SUPV3L1: variants seen among roughly 807,000 people sequenced by gnomAD.
SUPV3L1 encodes Suv3 like RNA helicase, also known as ATP-dependent RNA helicase SUPV3L1, mitochondrial.
Under a neutral mutation model 70.0 loss-of-function variants are expected in SUPV3L1, and 35 were observed. The ratio of observed to expected loss-of-function variants is 0.50; its 90% CI spans 0.38 to 0.66. The LOEUF is 0.66. Among genes scored for constraint, SUPV3L1 ranks in the 30% least tolerant of loss-of-function variants. The pLI is 0.00. For synonymous variants in SUPV3L1, 364 were observed against 341.9 expected, an observed-to-expected ratio of 1.06 and a Z score of -0.71; for missense variants, 777 against 961.5, an observed-to-expected ratio of 0.81 and a Z score of 2.54.
At chr10:69,195,379 C>A in intron 7 of SUPV3L1, 114 bp downstream of exon 7, 2 of 576,128 alleles carry the variant, frequency 3.5e-6, no homozygotes, top group South Asian at 6.7e-5. Flanking sequence ...TTCTTTTTGA[C>A]ACAAAAAAGT....
chr10:69,201,126 A>G (rs1589388125), intron 11 of SUPV3L1, among the ~76,000 whole-genome samples: 1 of 152,170 alleles, frequency 6.6e-6, no homozygotes, highest in Non-Finnish European at 1.5e-5. Context: ...TTCCAGGGGA[A>G]GGCTGTGCTG....
At chr10:69,185,796 G>A (rs940270093) in intron 1 of SUPV3L1, among the ~76,000 whole-genome samples, 191 bp from the exon 2 acceptor site, 2 of 151,998 alleles carry the variant, frequency 1.3e-5, no homozygotes, top group Non-Finnish European at 2.9e-5. Context: ...CACCGTGCCC[G>A]GCCAACTCGA....
chr10:69,188,570 C>T (rs1211388071), intron 4 of SUPV3L1, among the ~76,000 whole-genome samples: 1 of 152,160 alleles, frequency 6.6e-6, no homozygotes, highest in Non-Finnish European at 1.5e-5. Flanking sequence ...GCGTTCTCGG[C>T]TCACTGCAAC....
intron 13 of SUPV3L1, among the ~76,000 whole-genome samples, chr10:69,207,087 T>C (rs1389209920): frequency 6.6e-6 from 1 of 152,172 alleles, no homozygotes; most frequent in Non-Finnish European, 1.5e-5. Flanking sequence ...CTATTACATA[T>C]GAGATAGAAA....
rs2050331551 is a variant in SUPV3L1 at position 69,191,578 on chromosome 10, G to C, written c.742-77G>C. 2.4e-6 allele frequency: 3 copies of C among 1,232,772 alleles called. No individual in the cohort carries two copies. In the South Asian group the frequency reaches 3.8e-5, roughly 16 times the overall value. The allele number at this position is 1,232,772 out of a possible 1,614,324, so 76.4% of individuals were successfully genotyped here. A position where few individuals can be genotyped will look rare whatever the true frequency, so the allele number is the denominator to read the frequency against. ...AACAAACTAATTTGGTGGTAGTGGAGAGAACACCCTGTTAAATATCCAAAA... is the reference window on the plus strand; with the variant it reads ...AACAAACTAATTTGGTGGTAGTGGACAGAACACCCTGTTAAATATCCAAAA... On this transcript the variant is annotated intron_variant, in intron 5 of 14. Transcript: ENST00000359655.
chr10:69,185,851 G>A (rs145694972), intron 1 of SUPV3L1, 136 bp from the exon 2 acceptor site: 29 of 735,904 alleles, frequency 3.9e-5, no homozygotes, highest in African/African-American at 3.7e-4. Flanking sequence ...CATAAAGAAG[G>A]ATCGACTAAA....
Position 69,209,020 on chromosome 10 carries a change from A to G in SUPV3L1, c.2346A>G (p.Glu782=). Residue 782 remains glutamate (E), a synonymous_variant, in exon 15 of 15, where the codon GAA becomes GAG. Coordinates refer to ENST00000359655, the MANE Select transcript of SUPV3L1 (RefSeq NM_003171.5). ...AAGGGACGAGAAGAAAGAAGAAGGAACCTGATTCGGACTAGTTTTCTGTTC... is the reference window on the plus strand; with the variant it reads ...AAGGGACGAGAAGAAAGAAGAAGGAGCCTGATTCGGACTAGTTTTCTGTTC... ...HPKGTRRKKK[E]PDSD The G allele has an allele frequency of 6.5e-7, 1 of 1,549,296 alleles. No homozygotes were observed. The highest frequency in any genetic ancestry group is 8.7e-7 in the Non-Finnish European group (1 of 1,150,344).
chr10:69,196,894 G>A (rs1302079658), intron 7 of SUPV3L1, 98 bp from the exon 8 acceptor site: 1 of 998,202 alleles, frequency 1.0e-6, no homozygotes, highest in African/African-American at 1.6e-5. Context: ...AGGTTGTAAA[G>A]CAATATGTAA....
In SUPV3L1 at chr10:69,196,982, GC is replaced by G; in HGVS notation, c.932-9del. ...CTTTAAAATTAAGAAACCCAGTTTT[GC>G]ATTGACAGGACTGTGTGCTGAAGAG... On this transcript the variant is annotated splice_polypyrimidine_tract_variant and intron_variant, in intron 7 of 14. Transcript: ENST00000359655. The G allele has an allele frequency of 6.2e-7, 1 of 1,612,116 alleles. No homozygotes were observed. The highest frequency in any genetic ancestry group is 2.2e-5 in the East Asian group (1 of 44,860).
rs553575237 is a variant in SUPV3L1, at chr10:69,187,439, A to G, written c.458-203A>G. 2.5e-4 allele frequency: 90 copies of G among 365,222 alleles called. 1 individual carries two copies. The highest frequency in any genetic ancestry group is 1.9e-3 in the African/African-American group (82 of 44,152). 22.6% of individuals were successfully genotyped at this position (365,222 alleles called of 1,614,324 possible). A position where few individuals can be genotyped will look rare whatever the true frequency, so the allele number is the denominator to read the frequency against. On this transcript the variant is annotated intron_variant, in intron 3 of 14. Transcript: ENST00000359655. ...AGTCTCAGCTCAGTGTGTAGCCTCA[A>G]CCTCCTGGGCTCAAGCCATCCTTCC... is the stretch of plus-strand genomic sequence containing the variant.
rs768796377 is a variant in SUPV3L1, at chr10:69,186,482, A to G, written c.389A>G (p.Tyr130Cys). ...CAAGCTTTCATAAGCTTTAGAAATT[A>G]TATTATGCAGTCTCATTCCCTGGAT... is the stretch of plus-strand genomic sequence containing the variant. ...FHQAFISFRN[Y>C]IMQSHSLDVD... The change falls in exon 3 of 15, where the codon TAT (tyrosine) becomes TGT (cysteine). Residue 130 changes from tyrosine to cysteine, a missense_variant. Tyr to Cys is a radical substitution (Grantham distance 194). This residue lies in a region of SUPV3L1 where 619 missense variants were observed against 823.3 expected (regional missense o/e 0.75). Transcript: ENST00000359655. The G allele has an allele frequency of 1.9e-6, 3 of 1,614,012 alleles. No individual in the cohort carries two copies. In the South Asian group the frequency reaches 3.3e-5, roughly 18 times the overall value.
At position 69,191,766 on chromosome 10, in the gene SUPV3L1, T is replaced by A; in HGVS notation, c.853T>A (p.Tyr285Asn). 6.2e-7 allele frequency: 1 copy of A among 1,605,508 alleles called. No homozygotes were observed. The highest frequency in any genetic ancestry group is 8.5e-7 in the Non-Finnish European group (1 of 1,172,350). Residue 285 changes from tyrosine to asparagine, a missense_variant and splice_region_variant, in exon 6 of 15, where the codon TAT (tyrosine) becomes AAT (asparagine). Tyr to Asn is a moderately radical substitution (Grantham distance 143). Around this residue, in one of 2 missense-constraint regions of SUPV3L1, gnomAD observed 619 missense variants for 823.3 expected, o/e 0.75. Coordinates refer to ENST00000359655, the MANE Select transcript of SUPV3L1 (RefSeq NM_003171.5). ...TVEMCSVTTP[Y>N]EVAVIDEIQM... ...TGAGATGTGCAGTGTTACAACTCCTTGTATGTATATGCTGTTTAAGAAACT... is the reference window on the plus strand; with the variant it reads ...TGAGATGTGCAGTGTTACAACTCCTAGTATGTATATGCTGTTTAAGAAACT...
intron 6 of SUPV3L1, among the ~76,000 whole-genome samples, chr10:69,194,562 G>A (rs4325209): frequency 0.47 from 71,099 of 151,632 alleles, 19,012 homozygotes; most frequent in Middle Eastern, 0.73. Flanking sequence ...ATATTGGCCA[G>A]GATGGTCTCG....
At chr10:69,196,954 A>G in intron 7 of SUPV3L1, 38 bp from the exon 8 acceptor site, 1 of 1,563,376 alleles carries the variant, frequency 6.4e-7, no homozygotes, top group East Asian at 2.2e-5. Flanking sequence ...TTTAATTATA[A>G]ATCTTTAAAA....
intron 1 of SUPV3L1, 139 bp downstream of exon 1, chr10:69,180,701 C>T (rs970225502): frequency 3.3e-6 from 4 of 1,195,062 alleles, no homozygotes; most frequent in East Asian, 2.4e-5. Flanking sequence ...TGTCTGCCTC[C>T]TTCGCTGGTG....
chr10:69,199,787 A>T (rs1506768), intron 10 of SUPV3L1, among the ~76,000 whole-genome samples: 35 of 152,046 alleles, frequency 2.3e-4, no homozygotes, highest in Non-Finnish European at 1.5e-5. Context: ...TATTATGCAC[A>T]TGGGGCTAGT....
chr10:69,187,859 A>C (rs1397518870), intron 4 of SUPV3L1, 103 bp downstream of exon 4: 1 of 722,868 alleles, frequency 1.4e-6, no homozygotes, highest in Non-Finnish European at 2.2e-6. Flanking sequence ...AATTATAAGG[A>C]GTCTGGATTA....
chr10:69,208,886 G>A lies in SUPV3L1; in HGVS notation c.2212G>A (p.Val738Met), dbSNP rs760031431. The stretch of plus-strand genomic sequence containing the variant: ...AGAGCTGTCCCTTGCTTCCAGATTG[G>A]TGCAGCAAGGACTCCTCACTCCAGA... ...AGELSLASRLVQQGLLTPDML... is the reference protein window; with the variant it reads ...AGELSLASRLMQQGLLTPDML... Residue 738 changes from valine to methionine, a missense_variant, in exon 15 of 15, where the codon GTG becomes ATG. Physicochemically the swap from Val to Met is conservative, Grantham distance 21 (BLOSUM62 1). Coordinates refer to ENST00000359655, the MANE Select transcript of SUPV3L1 (RefSeq NM_003171.5). The A allele has an allele frequency of 6.2e-7, 1 of 1,614,058 alleles. No individual in the cohort carries two copies. The highest frequency in any genetic ancestry group is 8.5e-7 in the Non-Finnish European group (1 of 1,180,020).
At position 69,180,433 on chromosome 10, in the gene SUPV3L1, GCCTCCTCCT is replaced by G; in HGVS notation, c.144_152del (p.Ser49_Ser51del). The G allele has an allele frequency of 6.2e-7, 1 of 1,614,208 alleles. No homozygotes were observed. Among genetic ancestry groups the G allele is most frequent in the African/African-American group, 1.3e-5 (1 of 75,052 alleles). On this transcript the variant is annotated inframe_deletion, in exon 1 of 15. Transcript: ENST00000359655. Reference sequence around the variant, plus strand: ...GGGGCAAGTTTCTGTCCTTGCCACCGCCTCCTCCTCTGCCTCCGGTGGCTCCAAAATACC... The same window carrying G: ...GGGGCAAGTTTCTGTCCTTGCCACCGCTGCCTCCGGTGGCTCCAAAATACC...
Sources: gnomAD v4.1 joint callset for allele counts (sites outside exome capture counted in the v4.1 genomes callset) on GRCh38, gnomAD v4.1.1 for gene constraint, gnomAD v4.1.1 regional missense constraint, MANE v1.5 for transcripts, NCBI Gene and HGNC (gene_info 2026-07-23, HGNC 2026-07-21) for gene names.